Variants in ZNF540 observed in about 807,000 individuals in gnomAD.
The protein encoded by ZNF540 is zinc finger protein 540.
Under a neutral mutation model 11.8 loss-of-function variants are expected in ZNF540, and 3 were observed. The observed-to-expected ratio is 0.25, with a 90% CI of 0.12 to 0.65. The LOEUF is 0.65. Among genes scored for constraint, ZNF540 ranks in the 30% least tolerant of loss-of-function variants. ZNF540 has a pLI of 0.83. For synonymous variants in ZNF540, 247 were observed against 259.0 expected, an observed-to-expected ratio of 0.95 and a Z score of 0.45; for missense variants, 709 against 793.1, an observed-to-expected ratio of 0.89 and a Z score of 1.27.
chr19:37,571,875 A>G (rs1331842933), intron 1 of ZNF540, among the ~76,000 whole-genome samples: 1 of 152,262 alleles, frequency 6.6e-6, no homozygotes, highest in African/African-American at 2.4e-5. Context: ...AAGTTCAGAA[A>G]GCTATATTGT....
rs1294595028 is a variant in ZNF540 at position 37,613,001 on chromosome 19, C to G, written c.1721C>G (p.Thr574Arg). The change falls in exon 5 of 5, where the codon ACG becomes AGG. Residue 574 changes from threonine (T) to arginine (R), a missense_variant. Coordinates refer to ENST00000316433, the MANE Select transcript of ZNF540 (RefSeq NM_001172225.3). ...GQFTEHQKIH[T>R]GVKPYKCKEC... ...TTCACTGAACATCAGAAAATTCATA[C>G]GGGTGTAAAACCATACAAATGTAAA... 1 of 1,614,126 alleles carries G rather than the reference C, an allele frequency of 6.2e-7. No individual in the cohort carries two copies. The highest frequency in any genetic ancestry group is 8.5e-7 in the Non-Finnish European group (1 of 1,179,998).
At chr19:37,560,203 G>A (rs1057293128) in intron 1 of ZNF540, among the ~76,000 whole-genome samples, 6 of 147,298 alleles carry the variant, frequency 4.1e-5, no homozygotes, top group Non-Finnish European at 6.0e-5. Context: ...GCTTAAACCC[G>A]GGAGGCAGAG....
upstream of ZNF540, among the ~76,000 whole-genome samples, chr19:37,590,747 T>C (rs2043845844): frequency 6.6e-6 from 1 of 152,152 alleles, no homozygotes; most frequent in Non-Finnish European, 1.5e-5. Context: ...GTAAGTGTAA[T>C]ATTATATCAA....
chr19:37,596,263 C>T (rs1159061035), intron 1 of ZNF540, among the ~76,000 whole-genome samples: 1 of 152,170 alleles, frequency 6.6e-6, no homozygotes, highest in Non-Finnish European at 1.5e-5. Context: ...AGGCATACCT[C>T]ATTTTATTGT....
rs529746011 is a variant in ZNF540 at position 37,570,984 on chromosome 19, T to G, written c.-73+19319T>G. ...CAAATTACTCTAATTTTAAATCTAC[T>G]AACAGTATATAGCCTATTTCTAATA... On this transcript the variant is annotated intron_variant, in intron 1 of 4. Transcript: ENST00000592533. 4.6e-5 allele frequency among the ~76,000 whole-genome samples: 7 copies of G among 152,340 alleles called. No individual in the cohort carries two copies. In the South Asian group the frequency reaches 1.5e-3, roughly 32 times the overall value.
upstream of ZNF540, among the ~76,000 whole-genome samples, chr19:37,590,812 C>T (rs2043848200): frequency 1.3e-5 from 2 of 152,108 alleles, no homozygotes; most frequent in South Asian, 4.2e-4. Context: ...AATTAAGAGA[C>T]TAAAGAGGCA....
chr19:37,566,114 C>T (rs1289581310), intron 1 of ZNF540: 7 of 1,614,002 alleles, frequency 4.3e-6, no homozygotes, highest in Non-Finnish European at 5.9e-6. Context: ...CATGTAAAGC[C>T]CTTCCTGACT....
chr19:37,575,151 C>T (rs2043200606), intron 1 of ZNF540, among the ~76,000 whole-genome samples: 1 of 152,156 alleles, frequency 6.6e-6, no homozygotes, highest in Non-Finnish European at 1.5e-5. Flanking sequence ...GACTCTGCTA[C>T]TTGAGAAAAA....
chr19:37,558,709 T>C (rs915966630), intron 1 of ZNF540, among the ~76,000 whole-genome samples: 1 of 152,194 alleles, frequency 6.6e-6, no homozygotes, highest in African/African-American at 2.4e-5. Context: ...ATGTCTCTGT[T>C]ATCTTCTTAA....
intron 1 of ZNF540, among the ~76,000 whole-genome samples, chr19:37,554,426 T>C (rs778505652): frequency 2.2e-4 from 34 of 152,226 alleles, no homozygotes; most frequent in Admixed American, 3.9e-4. Context: ...TCCCTATTCC[T>C]TTCTCTGCTA....
At chr19:37,570,798 G>A (rs768875835) in intron 1 of ZNF540, among the ~76,000 whole-genome samples, 3 of 152,004 alleles carry the variant, frequency 2.0e-5, no homozygotes, top group Non-Finnish European at 4.4e-5. Flanking sequence ...TAAATAGAAG[G>A]CATTATAGCA....
chr19:37,604,295 A>ATTTTTTTTTTTTTTT (rs1491343746), intron 4 of ZNF540, among the ~76,000 whole-genome samples: 1 of 33,908 alleles, frequency 2.9e-5, no homozygotes, highest in Non-Finnish European at 5.8e-5. Flanking sequence ...AAATAGCCTT[A>ATTTTTTTTTTTTTTT]CTTTTTTTTT....
rs775350323 is a variant in ZNF540, at chr19:37,564,784, A to G, written c.-73+13119A>G. On this transcript the variant is annotated intron_variant, in intron 1 of 4. Coordinates refer to the ZNF540 transcript ENST00000592533. ...GTTTCTCTCCAGTATGAGTTCTCAG[A>G]TGTTCAGTAAGGTGTGAGCCACGAA... 7 of 1,613,804 alleles carry G rather than the reference A, an allele frequency of 4.3e-6. No homozygotes were observed. In the African/African-American group the frequency reaches 5.3e-5, roughly 12 times the overall value.
In ZNF540 at chr19:37,611,722, A is replaced by G; in HGVS notation, c.442A>G (p.Lys148Glu). The change falls in exon 5 of 5, where the codon AAA (lysine) becomes GAA (glutamate). Residue 148 changes from lysine (K) to glutamate (E), a missense_variant. Transcript: ENST00000316433. Reference protein sequence around the residue: ...SISQKKIVSKKMSTDRKRPSF... With the variant: ...SISQKKIVSKEMSTDRKRPSF... ...CAGTCAAAAGAAAATCGTCTCTAAAAAAATGTCAACTGATAGAAAACGTCC... is the reference window on the plus strand; with the variant it reads ...CAGTCAAAAGAAAATCGTCTCTAAAGAAATGTCAACTGATAGAAAACGTCC... The G allele has an allele frequency of 3.7e-6, 6 of 1,613,910 alleles. No individual in the cohort carries two copies. The highest frequency in any genetic ancestry group is 4.2e-6 in the Non-Finnish European group (5 of 1,179,930).
intron 1 of ZNF540, chr19:37,565,910 CTG>C (rs1020851358): frequency 6.2e-7 from 1 of 1,613,810 alleles, no homozygotes; most frequent in African/African-American, 1.3e-5. Context: ...AAAGGTATTC[CTG>C]TGTTTCTTAA....
chr19:37,613,257 A>T lies in ZNF540; in HGVS notation c.1977A>T (p.Val659=). ...ATCAACATCAGAAAACTCATAATGT[A>T]ATTTAATATAAGAAAAGGTTTCCAT... The part of the protein sequence containing the change: ...HLYQHQKTHN[V]I The change falls in exon 5 of 5, where the codon GTA becomes GTT. Residue 659 remains valine (V), a synonymous_variant. Transcript: ENST00000316433. The T allele has an allele frequency of 6.7e-7, 1 of 1,485,986 alleles. No individual in the cohort carries two copies. The highest frequency in any genetic ancestry group is 2.3e-5 in the East Asian group (1 of 43,758). The allele number at this position is 1,485,986 out of a possible 1,614,324, so 92.1% of individuals were successfully genotyped here.
At chr19:37,576,959 A>G (rs948619138) in intron 1 of ZNF540, among the ~76,000 whole-genome samples, 1 of 152,160 alleles carries the variant, frequency 6.6e-6, no homozygotes, top group African/African-American at 2.4e-5. Flanking sequence ...ATCTCTTGCT[A>G]ATTCAGCCTA....
At chr19:37,578,683 C>G (rs55865869) in intron 1 of ZNF540, among the ~76,000 whole-genome samples, 40,564 of 151,856 alleles carry the variant, frequency 0.27, 6,413 homozygotes, top group Non-Finnish European at 0.37. Context: ...ACCCTGTCCC[C>G]ACCTGAACTC....
intron 1 of ZNF540, chr19:37,565,828 A>G: frequency 6.2e-7 from 1 of 1,613,742 alleles, no homozygotes; most frequent in Non-Finnish European, 8.5e-7. Context: ...AGGCCTTTCC[A>G]CATTCCATAC....
Sources: gnomAD v4.1 joint callset for allele counts (sites outside exome capture counted in the v4.1 genomes callset) on GRCh38, gnomAD v4.1.1 for gene constraint, MANE v1.5 for transcripts, NCBI Gene and HGNC (gene_info 2026-07-23, HGNC 2026-07-21) for gene names.